The following BABAM2 variants were observed in gnomAD, a reference collection of about 807,000 sequenced individuals.
BABAM2 encodes the protein BRISC and BRCA1-A complex member 2.
A neutral mutation model predicts 54.7 loss-of-function variants in BABAM2; 31 were observed. The ratio of observed to expected loss-of-function variants is 0.57; its 90% CI spans 0.43 to 0.77. The LOEUF (loss-of-function observed/expected upper bound fraction) is 0.77. Among genes scored for constraint, BABAM2 ranks in the 30% least tolerant of loss-of-function variants. The pLI, the probability that BABAM2 is intolerant of heterozygous loss-of-function variation, is 0.00. For synonymous variants in BABAM2, 167 were observed against 162.9 expected, an observed-to-expected ratio of 1.03 and a Z score of -0.19; for missense variants, 364 against 455.8, an observed-to-expected ratio of 0.80 and a Z score of 1.83.
At chr2:27,889,723 T>C (rs1163965537), upstream of BABAM2, among the ~76,000 whole-genome samples, 3 of 152,250 alleles carry the variant, frequency 2.0e-5, no homozygotes, top group East Asian at 5.8e-4. Context: ...ACTGCAGTAA[T>C]GCCGACAATC....
At chr2:28,134,480 G>C (rs1670371288) in intron 7 of BABAM2, 1 of 152,210 alleles carries the variant, frequency 6.6e-6, no homozygotes. Flanking sequence ...CCTTTTCTTG[G>C]CTTGAGCCAC....
At chr2:28,115,004 A>G (rs962440848) in intron 6 of BABAM2, among the ~76,000 whole-genome samples, 1 of 152,190 alleles carries the variant, frequency 6.6e-6, no homozygotes, top group African/African-American at 2.4e-5. Context: ...TTTGTTTTTC[A>G]GATATTTATT....
At chr2:27,942,349 ATTATT>A (rs1010644654) in intron 3 of BABAM2, among the ~76,000 whole-genome samples, 2 of 151,930 alleles carry the variant, frequency 1.3e-5, no homozygotes, top group Admixed American at 6.6e-5. Flanking sequence ...ATACCGTGCT[ATTATT>A]TTATTTTATT....
At chr2:27,950,664 A>G (rs1242552097) in intron 3 of BABAM2, among the ~76,000 whole-genome samples, 3 of 152,146 alleles carry the variant, frequency 2.0e-5, no homozygotes, top group African/African-American at 7.2e-5. Context: ...TCAGAATAGA[A>G]TGAGTTGCTA....
chr2:27,894,045 A>C (rs575104560), intron 1 of BABAM2, among the ~76,000 whole-genome samples: 10 of 152,048 alleles, frequency 6.6e-5, no homozygotes, highest in African/African-American at 2.4e-4. Context: ...AATTTCTAGT[A>C]AGTAATAGCT....
At chr2:28,338,239 A>G (rs527602005) in intron 11 of BABAM2, among the ~76,000 whole-genome samples, 1 of 152,354 alleles carries the variant, frequency 6.6e-6, no homozygotes, top group African/African-American at 2.4e-5. Context: ...GGCCCTTTGA[A>G]TATTCCTGAG....
Position 27,995,729 on chromosome 2 carries a change from G to A in BABAM2, c.300+7642G>A, listed in dbSNP as rs865774988. On this transcript the variant is annotated intron_variant, in intron 4 of 11. Coordinates refer to ENST00000379624, the MANE Select transcript of BABAM2 (RefSeq NM_199191.3). The surrounding 1 kb of genome is among the most constrained non-coding windows in gnomAD (Gnocchi z 4.1). ...CGAGTAGCTGGGACTACAGGCGCCC[G>A]CCACCACACCTGGCTAGTTTTTTTA... 4.6e-5 allele frequency among the ~76,000 whole-genome samples: 7 copies of A among 151,838 alleles called. No homozygotes were observed. The highest frequency in any genetic ancestry group is 2.1e-4 in the South Asian group (1 of 4,816).
intron 3 of BABAM2, among the ~76,000 whole-genome samples, chr2:27,985,647 G>A (rs1672344843): frequency 1.3e-5 from 2 of 152,050 alleles, no homozygotes; most frequent in African/African-American, 4.8e-5. Flanking sequence ...CATTAAATAA[G>A]TATAAAAACA....
At chr2:28,090,358 C>G (rs1666057214) in intron 6 of BABAM2, among the ~76,000 whole-genome samples, 1 of 152,118 alleles carries the variant, frequency 6.6e-6, no homozygotes, top group Non-Finnish European at 1.5e-5. Flanking sequence ...GATTCTCCTG[C>G]CTCAGCCTCC....
Position 28,211,439 on chromosome 2 carries a change from G to A in BABAM2, c.681-25763G>A, listed in dbSNP as rs575054381. The stretch of plus-strand genomic sequence containing the variant: ...TTTCGCTCTTGTTGCCCAGGCTGGA[G>A]TACAGTGGCGTGATCTCGGCGCACT... On this transcript the variant is annotated intron_variant, in intron 7 of 11. Coordinates refer to ENST00000379624, the MANE Select transcript of BABAM2 (RefSeq NM_199191.3). Among the ~76,000 whole-genome samples, 28 of 136,648 alleles carry A rather than the reference G, an allele frequency of 2.0e-4. 1 individual carries two copies. The South Asian group carries it at 6.4e-3, about 31-fold the overall frequency. 89.6% of individuals were successfully genotyped at this position (136,648 alleles called of 152,430 possible).
chr2:28,325,534 C>G lies in BABAM2; in HGVS notation c.1089-12916C>G, dbSNP rs1352234982. On this transcript the variant is annotated intron_variant, in intron 11 of 11. Transcript: ENST00000379624. The surrounding 1 kb of genome is among the most constrained non-coding windows in gnomAD (Gnocchi z 4.3). ...AAAGGCCATTGTCTCCAGAAGGCCA[C>G]TGTACCCCAGCAGGGAGAGTGGAGC... Among the ~76,000 whole-genome samples the G allele has an allele frequency of 6.6e-6, 1 of 152,244 alleles. No homozygotes were observed. Among genetic ancestry groups the G allele is most frequent in the Non-Finnish European group, 1.5e-5 (1 of 68,040 alleles).
At chr2:27,967,262 G>C (rs926788909) in intron 3 of BABAM2, among the ~76,000 whole-genome samples, 1 of 152,144 alleles carries the variant, frequency 6.6e-6, no homozygotes, top group Non-Finnish European at 1.5e-5. Flanking sequence ...AATCATGGGG[G>C]TATGTCTTTG....
chr2:27,990,438 C>T (rs1350965169), intron 4 of BABAM2, among the ~76,000 whole-genome samples: 2 of 152,134 alleles, frequency 1.3e-5, no homozygotes, highest in African/African-American at 2.4e-5. Flanking sequence ...GCTCAGAGCA[C>T]AATCATTAAT....
chr2:28,109,405 G>C (rs1667804363), intron 6 of BABAM2, among the ~76,000 whole-genome samples: 4 of 151,898 alleles, frequency 2.6e-5, no homozygotes, highest in Admixed American at 2.6e-4. Context: ...AGCCAGGATG[G>C]TCTTGATCTC....
intron 7 of BABAM2, among the ~76,000 whole-genome samples, chr2:28,161,037 A>T (rs1451814533): frequency 6.6e-6 from 1 of 152,214 alleles, no homozygotes; most frequent in Non-Finnish European, 1.5e-5. Flanking sequence ...TGATGGTCCC[A>T]AGTTTCCCAA....
At chr2:28,235,161 G>A (rs1317186329) in intron 7 of BABAM2, among the ~76,000 whole-genome samples, 1 of 152,114 alleles carries the variant, frequency 6.6e-6, no homozygotes, top group African/African-American at 2.4e-5. Flanking sequence ...ATTTGCATGA[G>A]CAAACACAAA....
At chr2:28,058,101 G>A (rs1291777891) in intron 6 of BABAM2, among the ~76,000 whole-genome samples, 9 of 151,712 alleles carry the variant, frequency 5.9e-5, no homozygotes, top group Non-Finnish European at 1.0e-4. Flanking sequence ...CCAAGATCAC[G>A]CTACTGCATT....
At chr2:28,333,480 C>A (rs1275919186) in intron 11 of BABAM2, among the ~76,000 whole-genome samples, 4 of 152,228 alleles carry the variant, frequency 2.6e-5, no homozygotes, top group Admixed American at 2.6e-4. Context: ...CAGTTCCCTC[C>A]ACCATGCCAT....
At chr2:27,976,409 T>C (rs528692522) in intron 3 of BABAM2, among the ~76,000 whole-genome samples, 1 of 152,166 alleles carries the variant, frequency 6.6e-6, no homozygotes, top group African/African-American at 2.4e-5. Flanking sequence ...CATGCAGCAA[T>C]TTGAGTCTCA....
Sources: allele counts gnomAD v4.1 joint callset (sites outside exome capture counted in the v4.1 genomes callset), GRCh38; gene constraint gnomAD v4.1.1; non-coding constraint Gnocchi (gnomAD v3.1); transcripts MANE v1.5; gene names NCBI Gene and HGNC (gene_info 2026-07-23, HGNC 2026-07-21).